The following DDB1 variants were observed in gnomAD, a reference collection of about 807,000 sequenced individuals.
DDB1 encodes the protein DNA damage-binding protein 1.
In DDB1, 18 loss-of-function variants were observed where a neutral mutation model predicts 133.1. That is an observed-to-expected ratio of 0.14 (90% CI 0.09 to 0.20). DDB1 has a LOEUF of 0.20. DDB1 is among the 10% of genes least tolerant of loss of function. The probability of loss-of-function intolerance (pLI) is 1.00; values close to 1 mark genes in which losing one functional copy is unlikely to be tolerated. For synonymous variants in DDB1, 580 were observed against 550.5 expected (o/e 1.05, Z -0.75); for missense variants, 828 against 1,459.2 (o/e 0.57, Z 7.05).
chr11:61,316,171 T>C (rs1247361357), intron 12 of DDB1, 114 bp downstream of exon 12: 3 of 881,776 alleles, frequency 3.4e-6, no homozygotes, highest in Non-Finnish European at 5.4e-6. Context: ...CCTAGAATTT[T>C]TACATTATTT....
At chr11:61,323,870 G>T in intron 7 of DDB1, 109 bp downstream of exon 7, 3 of 1,233,450 alleles carry the variant, frequency 2.4e-6, no homozygotes. Context: ...ACAGTTTGTT[G>T]TTAGGTGTTA....
At chr11:61,323,146 T>C in intron 7 of DDB1, 52 bp from the exon 8 acceptor site, 2 of 1,428,800 alleles carry the variant, frequency 1.4e-6, no homozygotes, top group Non-Finnish European at 9.8e-7. Context: ...CTACGTGGGA[T>C]CCAGATACTA....
intron 20 of DDB1, among the ~76,000 whole-genome samples, chr11:61,309,538 C>G (rs1003929281): frequency 1.3e-5 from 2 of 152,190 alleles, no homozygotes; most frequent in Non-Finnish European, 2.9e-5. Flanking sequence ...TTCCCTTACC[C>G]ATCGTTCACT....
chr11:61,302,069 C>A, intron 25 of DDB1, 188 bp downstream of exon 25: 1 of 545,470 alleles, frequency 1.8e-6, no homozygotes, highest in Non-Finnish European at 3.3e-6. Flanking sequence ...CTTTGGGAGT[C>A]AATATACTGT....
chr11:61,308,898 C>T (rs1394695035), intron 21 of DDB1, 85 bp downstream of exon 21: 18 of 1,301,396 alleles, frequency 1.4e-5, no homozygotes, highest in African/African-American at 5.8e-5. Flanking sequence ...CTGACACACA[C>T]GTGGCCCCAG....
At chr11:61,326,611 A>G (rs375670036) in intron 5 of DDB1, among the ~76,000 whole-genome samples, 168 bp downstream of exon 5, 16 of 152,212 alleles carry the variant, frequency 1.1e-4, no homozygotes, top group African/African-American at 2.7e-4. Context: ...AAAGACAGAA[A>G]AAAACAAAGC....
At chr11:61,315,718 G>C (rs1225903086) in intron 12 of DDB1, 2 of 152,824 alleles carry the variant, frequency 1.3e-5, no homozygotes, top group Admixed American at 1.3e-4. Flanking sequence ...AGGGGTGGAA[G>C]GGTGTCAGAA....
Position 61,332,995 on chromosome 11 carries a change from A to G in DDB1, c.-27T>C. ...TCGAGGCTTGGAGCGGCCCGTCGGGACTCGAGCGCGACACTAGAAAGAGGG... is the reference window on the plus strand; with the variant it reads ...TCGAGGCTTGGAGCGGCCCGTCGGGGCTCGAGCGCGACACTAGAAAGAGGG... On this transcript the variant is annotated 5_prime_UTR_variant, in exon 1 of 27. Coordinates refer to ENST00000301764, the MANE Select transcript of DDB1 (RefSeq NM_001923.5). 1 of 1,483,746 alleles carries G rather than the reference A, an allele frequency of 6.7e-7. No homozygotes were observed. The highest frequency in any genetic ancestry group is 9.0e-7 in the Non-Finnish European group (1 of 1,107,854). The allele number at this position is 1,483,746 out of a possible 1,614,324, so 91.9% of individuals were successfully genotyped here. A position where few individuals can be genotyped will look rare whatever the true frequency, so the allele number is the denominator to read the frequency against.
intron 7 of DDB1, 44 bp from the exon 8 acceptor site, chr11:61,323,138 A>G: frequency 6.6e-7 from 1 of 1,526,196 alleles, no homozygotes; most frequent in Non-Finnish European, 9.1e-7. Context: ...AATGGACCCT[A>G]CGTGGGATCC....
At chr11:61,331,951 T>A (rs1180114984) in intron 1 of DDB1, 1 of 431,370 alleles carries the variant, frequency 2.3e-6, no homozygotes, top group Admixed American at 3.5e-5. Context: ...CAAATGACAA[T>A]GACTGCGTAA....
At chr11:61,309,651 A>G in intron 20 of DDB1, 145 bp downstream of exon 20, 1 of 833,502 alleles carries the variant, frequency 1.2e-6, no homozygotes, top group Admixed American at 2.9e-5. Context: ...CCAAAATTCA[A>G]TCAAATAAAG....
At chr11:61,303,009 G>A in intron 23 of DDB1, 37 bp downstream of exon 23, 1 of 1,581,692 alleles carries the variant, frequency 6.3e-7, no homozygotes, top group South Asian at 1.1e-5. Context: ...GGAACTCCCA[G>A]CCCTCCCCAC....
chr11:61,322,539 G>A (rs28720289), intron 8 of DDB1, 127 bp from the exon 9 acceptor site: 6 of 744,796 alleles, frequency 8.1e-6, no homozygotes, highest in Non-Finnish European at 1.4e-5. Flanking sequence ...CATGTTCCAA[G>A]GGATGATTCC....
At chr11:61,301,030 A>T in intron 25 of DDB1, 98 bp from the exon 26 acceptor site, 1 of 1,520,420 alleles carries the variant, frequency 6.6e-7, no homozygotes, top group African/African-American at 1.4e-5. Flanking sequence ...AATCATCAGG[A>T]TTAGAAAGGA....
chr11:61,300,725 G>A (rs1855779806), intron 26 of DDB1, 84 bp downstream of exon 26: 7 of 1,573,608 alleles, frequency 4.4e-6, no homozygotes, highest in East Asian at 2.2e-5. Context: ...AACTGAGGAG[G>A]AGAGGTGCCC....
intron 6 of DDB1, among the ~76,000 whole-genome samples, chr11:61,325,380 G>A (rs999404815): frequency 3.9e-5 from 6 of 152,154 alleles, no homozygotes; most frequent in Non-Finnish European, 8.8e-5. Flanking sequence ...CAATGAAAAG[G>A]GGAAGCCTAT....
At chr11:61,310,563 G>C in intron 18 of DDB1, 145 bp from the exon 19 acceptor site, 1 of 849,298 alleles carries the variant, frequency 1.2e-6, no homozygotes, top group South Asian at 2.1e-5. Flanking sequence ...AGCCTGAGGA[G>C]AGTGTTTCAG....
chr11:61,330,622 C>T (rs577803480), intron 2 of DDB1, among the ~76,000 whole-genome samples: 10 of 151,444 alleles, frequency 6.6e-5, no homozygotes, highest in Admixed American at 6.6e-4. Flanking sequence ...AAAACATTTG[C>T]GCTAAAATAA....
At chr11:61,304,979 T>A (rs1317513790) in intron 21 of DDB1, among the ~76,000 whole-genome samples, 1 of 152,150 alleles carries the variant, frequency 6.6e-6, no homozygotes, top group African/African-American at 2.4e-5. Context: ...AAATGCTTTA[T>A]CATCAGTAGA....
Sources: allele counts gnomAD v4.1 joint callset (sites outside exome capture counted in the v4.1 genomes callset), GRCh38; gene constraint gnomAD v4.1.1; transcripts MANE v1.5; gene names NCBI Gene and HGNC (gene_info 2026-07-23, HGNC 2026-07-21).